PTH2R: variants seen among roughly 807,000 people sequenced by gnomAD.
PTH2R encodes the protein PTH2 receptor.
Under a neutral mutation model 60.3 loss-of-function variants are expected in PTH2R, and 59 were observed. The observed-to-expected ratio is 0.98, with a 90% CI of 0.79 to 1.22. PTH2R has a LOEUF of 1.22. PTH2R is among the 50% of genes most tolerant of loss of function. The pLI is 0.00. For missense variants in PTH2R, 749 were observed against 682.6 expected, an observed-to-expected ratio of 1.10 and a Z score of -1.08; for synonymous variants, 256 against 243.8, an observed-to-expected ratio of 1.05 and a Z score of -0.47.
chr2:208,429,820 G>A (rs927336150), intron 2 of PTH2R, among the ~76,000 whole-genome samples: 6 of 152,104 alleles, frequency 3.9e-5, no homozygotes, highest in Admixed American at 2.0e-4. Flanking sequence ...CATTTCAGGA[G>A]TATCTTTTAC....
intron 1 of PTH2R, among the ~76,000 whole-genome samples, chr2:208,384,048 T>C (rs1007886798): frequency 6.6e-6 from 1 of 152,182 alleles, no homozygotes; most frequent in African/African-American, 2.4e-5. Context: ...TGCCTAATAT[T>C]TAACTTGGAA....
At chr2:208,446,574 C>T (rs1167952902) in intron 7 of PTH2R, among the ~76,000 whole-genome samples, 1 of 152,192 alleles carries the variant, frequency 6.6e-6, no homozygotes, top group Non-Finnish European at 1.5e-5. Flanking sequence ...AGAGTAATAA[C>T]TATTCTTCAT....
Position 208,449,307 on chromosome 2 carries a change from T to G in PTH2R, c.854-1442T>G, listed in dbSNP as rs534970970. Among the ~76,000 whole-genome samples the G allele has an allele frequency of 1.2e-4, 19 of 152,354 alleles. No individual in the cohort carries two copies. The South Asian group carries it at 3.9e-3, about 32-fold the overall frequency. On this transcript the variant is annotated intron_variant, in intron 7 of 12. Coordinates refer to ENST00000272847, the MANE Select transcript of PTH2R (RefSeq NM_005048.4). ...TAACCAAAAGCAACTGAAGTTGCTT[T>G]GTTAATTTTGACTGCTTCACCAGAA...
At chr2:208,459,008 T>C (rs1198728021) in intron 8 of PTH2R, among the ~76,000 whole-genome samples, 1 of 151,712 alleles carries the variant, frequency 6.6e-6, no homozygotes, top group Non-Finnish European at 1.5e-5. Flanking sequence ...GTTCTTCTTT[T>C]AGCTCTTTGA....
chr2:208,452,924 C>T (rs569110144), intron 8 of PTH2R, among the ~76,000 whole-genome samples: 7 of 152,172 alleles, frequency 4.6e-5, no homozygotes, highest in South Asian at 2.1e-4. Context: ...CACTTACAGG[C>T]GGATGAGGTG....
chr2:208,430,804 A>G (rs558153191), intron 2 of PTH2R, among the ~76,000 whole-genome samples: 8 of 151,938 alleles, frequency 5.3e-5, no homozygotes, highest in Non-Finnish European at 1.2e-4. Context: ...CGACCTCGTG[A>G]TCTGCCTGCC....
At chr2:208,362,837 AGTGTGTGTGTGTGT>A (rs4021384) in intron 1 of PTH2R, among the ~76,000 whole-genome samples, 19,490 of 150,538 alleles carry the variant, frequency 0.13, 1,425 homozygotes, top group African/African-American at 0.2. Flanking sequence ...AACACTTATT[AGTGTGTGTGTGTGT>A]GTGTGTGTGT....
intron 1 of PTH2R, among the ~76,000 whole-genome samples, chr2:208,416,895 G>C: frequency 6.6e-6 from 1 of 152,114 alleles, no homozygotes; most frequent in South Asian, 2.1e-4. Flanking sequence ...GGCTCTCCTT[G>C]CTCTTCAGCC....
At position 208,388,138 on chromosome 2, in the gene PTH2R, C is replaced by CCCCG. The variant is rs1553541021; in HGVS notation, c.-259+27904_-259+27905insGCCC. Among the ~76,000 whole-genome samples, 26 of 149,556 alleles carry CCCCG rather than the reference C, an allele frequency of 1.7e-4. 2 individuals are homozygous for CCCCG. The highest frequency in any genetic ancestry group is 5.9e-4 in the African/African-American group (24 of 40,904). On this transcript the variant is annotated intron_variant, in intron 1 of 12. Coordinates refer to the PTH2R transcript ENST00000617735. ...TTCTGGCTAACATGGTGAAACCCCCCCCCCCGTCTCTACTAAAAATACAAA... is the reference window on the plus strand; with the variant it reads ...TTCTGGCTAACATGGTGAAACCCCCCCCCGCCCCCGTCTCTACTAAAAATACAAA...
In PTH2R at chr2:208,467,202, T is replaced by A. The variant is rs142609658; in HGVS notation, c.981+7241T>A. 9.9e-3 allele frequency among the ~76,000 whole-genome samples: 1,508 copies of A among 152,214 alleles called. 27 individuals carry two copies. Among genetic ancestry groups the A allele is most frequent in the African/African-American group, 0.034 (1,413 of 41,536 alleles). ...GATGCATTTTAAAAAGTTAAAAAAA[T>A]TTTTGTCAGATTATCCAGCATTTGT... is the stretch of plus-strand genomic sequence containing the variant. On this transcript the variant is annotated intron_variant, in intron 9 of 12. Coordinates refer to ENST00000272847, the MANE Select transcript of PTH2R (RefSeq NM_005048.4).
rs565643692 is a variant in PTH2R at position 208,384,900 on chromosome 2, A to G, written c.-259+24663A>G. ...GCAGCGGTCCATTCTCTAATTTTCA[A>G]CCACATATTACCAGACAATCTCTTA... On this transcript the variant is annotated intron_variant, in intron 1 of 12. Transcript: ENST00000617735. 9.8e-5 allele frequency among the ~76,000 whole-genome samples: 15 copies of G among 152,300 alleles called. No individual in the cohort carries two copies. In the East Asian group the frequency reaches 1.3e-3, roughly 14 times the overall value.
intron 9 of PTH2R, among the ~76,000 whole-genome samples, chr2:208,480,010 C>G (rs1703109510): frequency 6.6e-6 from 1 of 152,184 alleles, no homozygotes; most frequent in Non-Finnish European, 1.5e-5. Context: ...CAAGACCTAG[C>G]CCTCAGTTCT....
At chr2:208,366,721 C>T (rs983132295) in intron 1 of PTH2R, among the ~76,000 whole-genome samples, 13 of 152,238 alleles carry the variant, frequency 8.5e-5, no homozygotes, top group Admixed American at 6.5e-4. Flanking sequence ...CCTTGATTCA[C>T]ACTTCCTCTT....
intron 1 of PTH2R, among the ~76,000 whole-genome samples, chr2:208,407,536 G>C (rs1701442481): frequency 6.6e-6 from 1 of 152,194 alleles, no homozygotes; most frequent in Non-Finnish European, 1.5e-5. Flanking sequence ...TTACAGGATC[G>C]ATTGTGACCA....
At chr2:208,443,560 C>T (rs748577176) in intron 6 of PTH2R, 23 bp downstream of exon 6, 6 of 1,564,132 alleles carry the variant, frequency 3.8e-6, no homozygotes, top group Non-Finnish European at 5.2e-6. Flanking sequence ...ACCATTTTCT[C>T]TCATTACTAA....
In PTH2R at chr2:208,493,527, C is replaced by T. The variant is rs755930954; in HGVS notation, c.1521C>T (p.His507=). ...WSNSEQDCLP[H]SFHEETKEDS... Reference sequence around the variant, plus strand: ...ACTCAGAGCAGGACTGCCTGCCACACTCTTTCCACGAGGAGACCAAGGAAG... The same window carrying T: ...ACTCAGAGCAGGACTGCCTGCCACATTCTTTCCACGAGGAGACCAAGGAAG... Residue 507 remains histidine (H), a synonymous_variant, in exon 13 of 13, where the codon CAC becomes CAT. Coordinates refer to ENST00000272847, the MANE Select transcript of PTH2R (RefSeq NM_005048.4). 1.2e-6 allele frequency: 2 copies of T among 1,613,890 alleles called. No homozygotes were observed. Among genetic ancestry groups the T allele is most frequent in the Non-Finnish European group, 1.7e-6 (2 of 1,179,914 alleles).
intron 9 of PTH2R, among the ~76,000 whole-genome samples, chr2:208,461,072 AT>A (rs1702624312): frequency 6.6e-6 from 1 of 152,128 alleles, no homozygotes; most frequent in South Asian, 2.1e-4. Flanking sequence ...TTAGAAGCCC[AT>A]TGAAATAAAT....
Position 208,444,992 on chromosome 2 carries a change from C to G in PTH2R, c.853+105C>G, listed in dbSNP as rs190923586. The G allele has an allele frequency of 1.4e-3, 1,608 of 1,171,076 alleles. 2 individuals carry two copies. Among genetic ancestry groups the G allele is most frequent in the Non-Finnish European group, 1.8e-3 (1,498 of 845,844 alleles). 72.5% of individuals were successfully genotyped at this position (1,171,076 alleles called of 1,614,324 possible). On this transcript the variant is annotated intron_variant, in intron 7 of 12. Transcript: ENST00000272847. ...CTACAGCCATTTTCCTGAAACAATC[C>G]CTCCCATTCTTATTTTTTATCTCCC...
chr2:208,447,378 G>A (rs1702307668), intron 7 of PTH2R, among the ~76,000 whole-genome samples: 1 of 151,940 alleles, frequency 6.6e-6, no homozygotes, highest in Non-Finnish European at 1.5e-5. Flanking sequence ...CATGAGGTCA[G>A]GAGATTGAGA....
Sources: gnomAD v4.1 joint callset for allele counts (sites outside exome capture counted in the v4.1 genomes callset) on GRCh38, gnomAD v4.1.1 for gene constraint, MANE v1.5 for transcripts, NCBI Gene and HGNC (gene_info 2026-07-23, HGNC 2026-07-21) for gene names.